The following SH3KBP1 variants were observed in gnomAD, a reference collection of about 807,000 sequenced individuals.
SH3KBP1 encodes the protein SH3 domain-containing kinase-binding protein 1.
SH3KBP1 carries 8 observed loss-of-function variants against 50.1 expected under a neutral mutation model. That is an observed-to-expected ratio of 0.16 (90% CI 0.09 to 0.29). SH3KBP1 has a LOEUF of 0.29. SH3KBP1 is among the 10% of genes least tolerant of loss of function. The pLI, the probability that SH3KBP1 is intolerant of heterozygous loss-of-function variation, is 1.00. For missense variants in SH3KBP1, 377 were observed against 535.2 expected (o/e 0.70, Z 2.92); for synonymous variants, 227 against 218.6 (o/e 1.04, Z -0.34).
intron 2 of SH3KBP1, among the ~76,000 whole-genome samples, chrX:19,755,640 C>T (rs778057857): frequency 9.0e-6 from 1 of 111,036 alleles, no homozygotes; most frequent in Admixed American, 9.5e-5. Context: ...AGAGACAGAA[C>T]GTCTCATATT....
chrX:19,588,695 C>T lies in SH3KBP1; in HGVS notation c.1246G>A (p.Ala416Thr), dbSNP rs1602577311. The change falls in exon 12 of 18, where the codon GCA (alanine) becomes ACA (threonine). Residue 416 changes from alanine (A) to threonine (T), a missense_variant. Transcript: ENST00000397821. The stretch of plus-strand genomic sequence containing the variant: ...CTCTCCGGCCTTCTCGGGGGCAGTG[C>T]GCCAGGTCTGCTGAGAGAATTGGTC... ...PKTNSLSRPG[A>T]LPPRRPERPV... is the part of the protein sequence containing the mutation. 1.7e-6 allele frequency: 2 copies of T among 1,208,685 alleles called. No homozygotes were observed. The highest frequency in any genetic ancestry group is 2.2e-5 in the Admixed American group (1 of 45,761).
At chrX:19,733,653 T>C (rs1238372944) in intron 3 of SH3KBP1, among the ~76,000 whole-genome samples, 1 of 110,708 alleles carries the variant, frequency 9.0e-6, no homozygotes, top group Non-Finnish European at 1.9e-5. Context: ...AGCATCAATA[T>C]ACCAATCTAC....
rs765477225 is a variant in SH3KBP1, at chrX:19,717,895, A to G, written c.287-10911T>C. Among the ~76,000 whole-genome samples, 5 of 111,358 alleles carry G rather than the reference A, an allele frequency of 4.5e-5. No homozygotes were observed. The East Asian group carries it at 1.4e-3, about 31-fold the overall frequency. ...TCGGTCCCCTTAAAAGACAGAAAAC[A>G]TTTGGTTTAAGTAGGCAAAGATATA... is the stretch of plus-strand genomic sequence containing the variant. On this transcript the variant is annotated intron_variant, in intron 3 of 17. Coordinates refer to ENST00000397821, the MANE Select transcript of SH3KBP1 (RefSeq NM_031892.3).
intron 1 of SH3KBP1, among the ~76,000 whole-genome samples, chrX:19,881,055 A>G (rs2069417998): frequency 8.9e-6 from 1 of 112,120 alleles, no homozygotes; most frequent in African/African-American, 3.2e-5. Context: ...GTTCACAGTG[A>G]TTTGTTACTG....
chrX:19,741,571 C>T (rs2064770691), intron 3 of SH3KBP1, among the ~76,000 whole-genome samples: 1 of 111,921 alleles, frequency 8.9e-6, no homozygotes, highest in Admixed American at 9.5e-5. Flanking sequence ...ACACTGAATT[C>T]ATGATAAACT....
intron 6 of SH3KBP1, among the ~76,000 whole-genome samples, chrX:19,673,626 A>C (rs1022259139): frequency 4.5e-5 from 5 of 110,922 alleles, no homozygotes; most frequent in Non-Finnish European, 9.4e-5. Flanking sequence ...CGGGGCTGGC[A>C]AGTCTCCCAG....
At chrX:19,810,954 C>T (rs1323897970) in intron 2 of SH3KBP1, among the ~76,000 whole-genome samples, 3 of 112,124 alleles carry the variant, frequency 2.7e-5, no homozygotes, top group African/African-American at 9.7e-5. Context: ...TTCTCAACAT[C>T]TGAAACCACA....
chrX:19,643,307 A>ATTTTTTT (rs1216327847), intron 7 of SH3KBP1, among the ~76,000 whole-genome samples: 19 of 74,547 alleles, frequency 2.5e-4, no homozygotes, highest in East Asian at 7.3e-4. Flanking sequence ...AGAATTTTTT[A>ATTTTTTT]TTTTTTTTTT....
At chrX:19,650,061 T>A (rs991352897) in intron 6 of SH3KBP1, among the ~76,000 whole-genome samples, 1 of 111,512 alleles carries the variant, frequency 9.0e-6, no homozygotes, top group Non-Finnish European at 1.9e-5. Flanking sequence ...AACTCTCATA[T>A]CACAAAGGCA....
chrX:19,855,866 A>AT (rs767241625), intron 1 of SH3KBP1, among the ~76,000 whole-genome samples: 62 of 109,618 alleles, frequency 5.7e-4, no homozygotes, highest in Non-Finnish European at 3.8e-4. Context: ...GCCAGAAAGG[A>AT]TTTTTTTTTT....
At position 19,746,314 on chromosome X, in the gene SH3KBP1, A is replaced by G; in HGVS notation, c.286+4T>C. The G allele has an allele frequency of 8.3e-7, 1 of 1,210,076 alleles. No individual in the cohort carries two copies. The highest frequency in any genetic ancestry group is 1.1e-6 in the Non-Finnish European group (1 of 894,975). ...GGAGGGAACCTCTTTTTCCTTTTCC[A>G]TACCTCTCTTATTGGTTCTTAAAAT... is the stretch of plus-strand genomic sequence containing the variant. On this transcript the variant is annotated splice_donor_region_variant and intron_variant, in intron 3 of 17. Coordinates refer to ENST00000397821, the MANE Select transcript of SH3KBP1 (RefSeq NM_031892.3).
intron 2 of SH3KBP1, among the ~76,000 whole-genome samples, chrX:19,757,610 T>C (rs1247797424): frequency 9.5e-6 from 1 of 105,751 alleles, no homozygotes; most frequent in Non-Finnish European, 1.9e-5. Context: ...AAGACATGAA[T>C]AACTATTTTT....
chrX:19,879,402 T>C (rs927584323), intron 1 of SH3KBP1, among the ~76,000 whole-genome samples: 3 of 111,641 alleles, frequency 2.7e-5, no homozygotes, highest in Non-Finnish European at 5.7e-5. Context: ...TAGGGGACCA[T>C]TGTCACTCTG....
chrX:19,622,296 T>G (rs1253737795), intron 8 of SH3KBP1, among the ~76,000 whole-genome samples: 1 of 112,244 alleles, frequency 8.9e-6, no homozygotes, highest in Non-Finnish European at 1.9e-5. Flanking sequence ...CAAATCACAT[T>G]AGCAGAGATT....
chrX:19,565,703 C>T (rs902355573), intron 13 of SH3KBP1, among the ~76,000 whole-genome samples: 2 of 110,970 alleles, frequency 1.8e-5, no homozygotes, highest in African/African-American at 3.3e-5. Context: ...TGTACCTCAA[C>T]GAGGATTAAA....
intron 2 of SH3KBP1, among the ~76,000 whole-genome samples, chrX:19,789,067 T>C (rs188159680): frequency 0.011 from 1,217 of 111,461 alleles, 25 homozygotes; most frequent in African/African-American, 0.039. Flanking sequence ...GAGGTTGTGG[T>C]GAGCTGAGAT....
At chrX:19,827,284 A>G (rs773631837) in intron 2 of SH3KBP1, among the ~76,000 whole-genome samples, 80 of 111,966 alleles carry the variant, frequency 7.1e-4, no homozygotes, top group Middle Eastern at 4.6e-3. Context: ...ACATACAAAA[A>G]CAGGCAGAGA....
intron 1 of SH3KBP1, among the ~76,000 whole-genome samples, chrX:19,850,383 C>T (rs2068474248): frequency 9.0e-6 from 1 of 110,949 alleles, no homozygotes; most frequent in South Asian, 3.8e-4. Flanking sequence ...GGGGTTTTAC[C>T]ATGTTGGCCA....
chrX:19,610,135 A>C lies in SH3KBP1; in HGVS notation c.898-2090T>G, dbSNP rs767303779. On this transcript the variant is annotated intron_variant, in intron 8 of 17. Transcript: ENST00000397821. Reference sequence around the variant, plus strand: ...AAAACCAAAGACCCTTGAAGTATCAAGTTCAGATTTACCCAGAACAAAACA... The same window carrying C: ...AAAACCAAAGACCCTTGAAGTATCACGTTCAGATTTACCCAGAACAAAACA... Among the ~76,000 whole-genome samples the C allele has an allele frequency of 1.7e-3, 193 of 112,130 alleles. 2 individuals are homozygous for C. Among genetic ancestry groups the C allele is most frequent in the African/African-American group, 6.0e-3 (186 of 30,890 alleles).
Sources: gnomAD v4.1 joint callset for allele counts (sites outside exome capture counted in the v4.1 genomes callset) on GRCh38, gnomAD v4.1.1 for gene constraint, MANE v1.5 for transcripts, NCBI Gene and HGNC (gene_info 2026-07-23, HGNC 2026-07-21) for gene names.